ZNF292: variants seen among roughly 807,000 people sequenced by gnomAD.
ZNF292 encodes the protein 16 zinc-finger domain protein.
ZNF292 carries 26 observed loss-of-function variants against 217.9 expected under a neutral mutation model. The ratio of observed to expected loss-of-function variants is 0.12; its 90% CI spans 0.09 to 0.17. ZNF292 has a LOEUF of 0.17. ZNF292 is among the 10% of genes least tolerant of loss of function. The pLI, the probability that ZNF292 is intolerant of heterozygous loss-of-function variation, is 1.00. For synonymous variants in ZNF292, 1,257 were observed against 1,124.1 expected, an observed-to-expected ratio of 1.12 and a Z score of -2.37; for missense variants, 2,904 against 3,175.2, an observed-to-expected ratio of 0.91 and a Z score of 2.05.
chr6:87,242,199 T>G (rs1332316538), intron 5 of ZNF292, among the ~76,000 whole-genome samples: 3 of 152,192 alleles, frequency 2.0e-5, no homozygotes, highest in African/African-American at 7.2e-5. Flanking sequence ...AAAGATTTGT[T>G]GAAAAAGAGG....
intron 1 of ZNF292, among the ~76,000 whole-genome samples, chr6:87,215,458 G>T (rs1772704498): frequency 6.6e-6 from 1 of 151,972 alleles, no homozygotes; most frequent in African/African-American, 2.4e-5. Context: ...GACTGAAAAA[G>T]GACACGTCTT....
chr6:87,255,001 G>A lies in ZNF292; in HGVS notation c.1372G>A (p.Ala458Thr). The A allele has an allele frequency of 6.2e-7, 1 of 1,613,798 alleles. No individual in the cohort carries two copies. The highest frequency in any genetic ancestry group is 8.5e-7 in the Non-Finnish European group (1 of 1,179,838). The change falls in exon 8 of 8, where the codon GCA becomes ACA. Residue 458 changes from alanine (A) to threonine (T), a missense_variant. By Grantham distance (58) the Ala-to-Thr change is moderately conservative (BLOSUM62 0). Coordinates refer to ENST00000369577, the MANE Select transcript of ZNF292 (RefSeq NM_015021.3). ...DWKTLKRQCLALMGEEASIVS... is the reference protein window; with the variant it reads ...DWKTLKRQCLTLMGEEASIVS... The stretch of plus-strand genomic sequence containing the variant: ...GAAAACCTTGAAACGACAATGTCTT[G>A]CATTAATGGGAGAAGAAGCATCCAT...
intron 1 of ZNF292, among the ~76,000 whole-genome samples, chr6:87,207,838 A>G (rs527910945): frequency 1.3e-5 from 2 of 152,274 alleles, no homozygotes; most frequent in Admixed American, 6.5e-5. Context: ...CTAATATGCT[A>G]TAATTATTTT....
intron 4 of ZNF292, among the ~76,000 whole-genome samples, chr6:87,230,633 C>T (rs1375001106): frequency 1.3e-5 from 2 of 151,534 alleles, no homozygotes; most frequent in Non-Finnish European, 2.9e-5. Context: ...ACTTGGGAGG[C>T]TGAGGCAGGA....
chr6:87,258,241 C>G lies in ZNF292; in HGVS notation c.4612C>G (p.His1538Asp). The G allele has an allele frequency of 6.2e-7, 1 of 1,612,742 alleles. No homozygotes were observed. Among genetic ancestry groups the G allele is most frequent in the Non-Finnish European group, 8.5e-7 (1 of 1,179,474 alleles). The change falls in exon 8 of 8, where the codon CAC (histidine) becomes GAC (aspartate). Residue 1538 changes from histidine (H) to aspartate (D), a missense_variant. Physicochemically the swap from His to Asp is moderately conservative, Grantham distance 81. Around this residue, in one of 15 missense-constraint regions of ZNF292, gnomAD observed 622 missense variants for 573.1 expected, o/e 1.09. Transcript: ENST00000369577. ...AAATCCAACTGTACCACCCCTGTTG[C>G]ACACTGTATGCCATCCAAACACCTT... ...MPNPTVPPLL[H>D]TVCHPNTLLT... is the part of the protein sequence containing the mutation.
In ZNF292 at chr6:87,260,532, T is replaced by A; in HGVS notation, c.6903T>A (p.Asn2301Lys). 1 of 1,612,934 alleles carries A rather than the reference T, an allele frequency of 6.2e-7. No homozygotes were observed. The highest frequency in any genetic ancestry group is 8.5e-7 in the Non-Finnish European group (1 of 1,179,586). The change falls in exon 8 of 8, where the codon AAT becomes AAA. Residue 2301 changes from asparagine to lysine, a missense_variant. Around this residue, in one of 15 missense-constraint regions of ZNF292, gnomAD observed 101 missense variants for 89.5 expected, o/e 1.13. Coordinates refer to ENST00000369577, the MANE Select transcript of ZNF292 (RefSeq NM_015021.3). Reference protein sequence around the residue: ...RPRRLTPGQENMSSKANQEKS... With the variant: ...RPRRLTPGQEKMSSKANQEKS... ...GAAGATTAACACCAGGCCAGGAAAATATGTCAAGCAAGGCAAACCAAGAAA... is the reference window on the plus strand; with the variant it reads ...GAAGATTAACACCAGGCCAGGAAAAAATGTCAAGCAAGGCAAACCAAGAAA...
intron 4 of ZNF292, among the ~76,000 whole-genome samples, chr6:87,219,642 T>C (rs984244775): frequency 7.2e-5 from 11 of 152,204 alleles, no homozygotes; most frequent in Admixed American, 2.0e-4. Flanking sequence ...TGGTTATTCC[T>C]ACTGGATTTC....
At chr6:87,232,654 A>G (rs952424958) in intron 4 of ZNF292, among the ~76,000 whole-genome samples, 2 of 152,176 alleles carry the variant, frequency 1.3e-5, no homozygotes, top group Non-Finnish European at 2.9e-5. Flanking sequence ...GAAATGTTTT[A>G]TGCATAAGTG....
At chr6:87,251,613 T>G (rs923073459) in intron 7 of ZNF292, among the ~76,000 whole-genome samples, 1 of 152,238 alleles carries the variant, frequency 6.6e-6, no homozygotes, top group Non-Finnish European at 1.5e-5. Flanking sequence ...TTAACTGTTA[T>G]GAATTAAATA....
intron 1 of ZNF292, among the ~76,000 whole-genome samples, chr6:87,190,880 A>G (rs1162374856): frequency 6.6e-6 from 1 of 152,222 alleles, no homozygotes; most frequent in African/African-American, 2.4e-5. Context: ...TGAAGTTATA[A>G]AAGTAACATT....
At chr6:87,217,463 T>A (rs1772846179) in intron 3 of ZNF292, among the ~76,000 whole-genome samples, 1 of 152,110 alleles carries the variant, frequency 6.6e-6, no homozygotes. Context: ...CCGTAACTTG[T>A]ATCTTAGGTT....
intron 1 of ZNF292, among the ~76,000 whole-genome samples, chr6:87,180,235 C>A (rs1288343352): frequency 6.6e-6 from 1 of 152,232 alleles, no homozygotes; most frequent in Non-Finnish European, 1.5e-5. Context: ...CCATCCTGGG[C>A]CACATGTTGA....
At chr6:87,159,450 A>G (rs938590496) in intron 1 of ZNF292, among the ~76,000 whole-genome samples, 2 of 146,908 alleles carry the variant, frequency 1.4e-5, no homozygotes, top group Admixed American at 1.4e-4. Flanking sequence ...ACAACCTCAA[A>G]CTCTTAGGCT....
Position 87,155,695 on chromosome 6 carries a change from A to T in ZNF292, c.104A>T (p.Gln35Leu). ...LGERLQELEL[Q>L]LRESRVPAVE... ...GAGCGGCTCCAGGAGCTGGAGCTAC[A>T]GCTGCGGGAGAGCCGGGTACCGGCC... The change falls in exon 1 of 8, where the codon CAG (glutamine) becomes CTG (leucine). Residue 35 changes from glutamine (Q) to leucine (L), a missense_variant. Gln to Leu is a moderately radical substitution (Grantham distance 113, BLOSUM62 -2). Around this residue, in one of 15 missense-constraint regions of ZNF292, gnomAD observed 313 missense variants for 451.0 expected, o/e 0.69. Coordinates refer to ENST00000369577, the MANE Select transcript of ZNF292 (RefSeq NM_015021.3). 1 of 1,592,764 alleles carries T rather than the reference A, an allele frequency of 6.3e-7. No homozygotes were observed. Among genetic ancestry groups the T allele is most frequent in the Non-Finnish European group, 8.5e-7 (1 of 1,171,524 alleles).
chr6:87,169,016 C>T lies in ZNF292; in HGVS notation c.168+13257C>T, dbSNP rs187852970. ...GGTTTTTTGTTTGTATTTTTATTGT[C>T]GTATTGTTACTTTTTATTGCTTTTT... On this transcript the variant is annotated intron_variant, in intron 1 of 7. Coordinates refer to ENST00000369577, the MANE Select transcript of ZNF292 (RefSeq NM_015021.3). Among the ~76,000 whole-genome samples the T allele has an allele frequency of 2.6e-3, 396 of 150,516 alleles. 2 individuals are homozygous for T. The highest frequency in any genetic ancestry group is 9.2e-3 in the African/African-American group (376 of 40,970).
intron 6 of ZNF292, among the ~76,000 whole-genome samples, chr6:87,244,452 T>C (rs1431156865): frequency 6.6e-6 from 1 of 152,234 alleles, no homozygotes; most frequent in South Asian, 2.1e-4. Flanking sequence ...ATGTGTTTTG[T>C]TGGTTTTTAC....
In ZNF292 at chr6:87,155,583, G is replaced by C; in HGVS notation, c.-9G>C. On this transcript the variant is annotated 5_prime_UTR_variant, in exon 1 of 8. Coordinates refer to ENST00000369577, the MANE Select transcript of ZNF292 (RefSeq NM_015021.3). ...CCCAGGTGCGTACGCGACGGAGCGG[G>C]GTGTGAAGATGGCGGACGAAGAGGC... 1 of 1,574,614 alleles carries C rather than the reference G, an allele frequency of 6.4e-7. No homozygotes were observed. Among genetic ancestry groups the C allele is most frequent in the Middle Eastern group, 1.9e-4 (1 of 5,214 alleles).
chr6:87,233,626 G>C, intron 5 of ZNF292, 99 bp downstream of exon 5: 1 of 1,493,022 alleles, frequency 6.7e-7, no homozygotes, highest in South Asian at 1.4e-5. Context: ...ATAGCGAAGA[G>C]ATCATTGTCA....
At position 87,228,944 on chromosome 6, in the gene ZNF292, C is replaced by T. The variant is rs1291493432; in HGVS notation, c.539-4381C>T. Among the ~76,000 whole-genome samples the T allele has an allele frequency of 2.0e-5, 3 of 149,548 alleles. No individual in the cohort carries two copies. The East Asian group carries it at 5.8e-4, about 29-fold the overall frequency. ...TTTAGGATGCATTTTTCTATTTCTG[C>T]AAAAAAAAATGCCATTGAGATTTTC... On this transcript the variant is annotated intron_variant, in intron 4 of 7. Transcript: ENST00000369577.
Sources: allele counts gnomAD v4.1 joint callset (sites outside exome capture counted in the v4.1 genomes callset), GRCh38; gene constraint gnomAD v4.1.1; regional missense constraint gnomAD v4.1.1; transcripts MANE v1.5; gene names NCBI Gene and HGNC (gene_info 2026-07-23, HGNC 2026-07-21).